Variants in FOXM1 observed in about 807,000 individuals in gnomAD.
FOXM1 encodes forkhead box M1.
In FOXM1, 25 loss-of-function variants were observed where a neutral mutation model predicts 63.6. The observed-to-expected ratio is 0.39, with a 90% CI of 0.29 to 0.55. The LOEUF (loss-of-function observed/expected upper bound fraction) is 0.55, where lower values mean the gene tolerates loss of function less well. Ranked by LOEUF, FOXM1 falls within the 20% of genes least tolerant of loss-of-function variation. The pLI is 0.60. For missense variants in FOXM1, 879 were observed against 958.7 expected (o/e 0.92, Z 1.10); for synonymous variants, 387 against 376.9 (o/e 1.03, Z -0.31).
At chr12:2,868,488 A>G (rs952166180) in intron 4 of FOXM1, 75 bp downstream of exon 4, 14 of 1,014,780 alleles carry the variant, frequency 1.4e-5, no homozygotes, top group Non-Finnish European at 1.9e-5. Context: ...TGTCCCAGAT[A>G]CAAGTTGCAG....
Position 2,858,444 on chromosome 12 carries a change from C to T in FOXM1, c.*194G>A. On this transcript the variant is annotated 3_prime_UTR_variant, in exon 9 of 9. Coordinates refer to ENST00000359843, the MANE Select transcript of FOXM1 (RefSeq NM_021953.4). ...CTCCTGGCAGGGACAGCAGAGGAAT[C>T]AGATACTCTTGGGGAACACAAGGTC... The T allele has an allele frequency of 3.6e-6, 2 of 561,986 alleles. No homozygotes were observed. The highest frequency in any genetic ancestry group is 5.1e-5 in the South Asian group (2 of 39,274). The allele number at this position is 561,986 out of a possible 1,614,324, so 34.8% of individuals were successfully genotyped here.
Position 2,858,468 on chromosome 12 carries a change from T to C in FOXM1, c.*170A>G, listed in dbSNP as rs2098096516. 3.3e-6 allele frequency: 2 copies of C among 601,956 alleles called. No homozygotes were observed. The highest frequency in any genetic ancestry group is 3.0e-5 in the Admixed American group (1 of 33,514). 37.3% of individuals were successfully genotyped at this position (601,956 alleles called of 1,614,324 possible). ...TCAGATACTCTTGGGGAACACAAGG[T>C]CCCAGCAGTGGCTAGGGTGTGACTG... On this transcript the variant is annotated 3_prime_UTR_variant, in exon 9 of 9. Coordinates refer to ENST00000359843, the MANE Select transcript of FOXM1 (RefSeq NM_021953.4).
chr12:2,862,981 T>G (rs991277563), intron 8 of FOXM1, among the ~76,000 whole-genome samples: 5 of 152,144 alleles, frequency 3.3e-5, no homozygotes, highest in Non-Finnish European at 7.3e-5. Flanking sequence ...CAGAACCCTT[T>G]AACAGTGTTA....
At chr12:2,876,302 C>G (rs1429769335) in intron 1 of FOXM1, 1 of 152,266 alleles carries the variant, frequency 6.6e-6, no homozygotes, top group African/African-American at 2.4e-5. Flanking sequence ...AGGCTTCCCT[C>G]TCTCCCCGCA....
intron 8 of FOXM1, among the ~76,000 whole-genome samples, chr12:2,861,983 AG>A (rs2098114376): frequency 6.6e-6 from 1 of 152,054 alleles, no homozygotes. Context: ...GCTCGAGACC[AG>A]CCTGACCAAC....
intron 3 of FOXM1, among the ~76,000 whole-genome samples, chr12:2,870,246 G>T (rs796996596): frequency 1.3e-5 from 2 of 152,166 alleles, no homozygotes; most frequent in Non-Finnish European, 2.9e-5. Flanking sequence ...AAAGTGCTGT[G>T]ATTACAAGCA....
Position 2,874,018 on chromosome 12 carries a change from C to G in FOXM1, c.461G>C (p.Arg154Thr). 1.2e-6 allele frequency: 2 copies of G among 1,614,082 alleles called. No individual in the cohort carries two copies. Among genetic ancestry groups the G allele is most frequent in the Non-Finnish European group, 1.7e-6 (2 of 1,179,996 alleles). Residue 154 changes from arginine (R) to threonine (T), a missense_variant, in exon 2 of 9, where the codon AGA (arginine) becomes ACA (threonine). By Grantham distance (71) the Arg-to-Thr change is moderately conservative (BLOSUM62 -1). Coordinates refer to ENST00000359843, the MANE Select transcript of FOXM1 (RefSeq NM_021953.4). This position sits in a 1 kb window ranked among gnomAD's most constrained non-coding sequence, Gnocchi z 4.3. ...CTGCTCGCAAAGGGCTCCAGGTGGT[C>G]TAGGAAGATTCACATCCCTAGCTGC... ...KPAARDVNLP[R>T]PPGALCEQKR...
rs2098098559 is a variant in FOXM1, at chr12:2,858,753, G to C, written c.2177C>G (p.Thr726Arg). 1 of 1,614,120 alleles carries C rather than the reference G, an allele frequency of 6.2e-7. No homozygotes were observed. The highest frequency in any genetic ancestry group is 8.5e-7 in the Non-Finnish European group (1 of 1,180,044). ...RSLTEGLVLD[T>R]MNDSLSKILL... ...GATCTTGCTGAGGCTGTCATTCATT[G>C]TGTCCAGGACCAGGCCTTCTGTCAG... is the stretch of plus-strand genomic sequence containing the variant. Residue 726 changes from threonine (T) to arginine (R), a missense_variant, in exon 9 of 9, where the codon ACA (threonine) becomes AGA (arginine). Around this residue, in one of 4 missense-constraint regions of FOXM1, gnomAD observed 486 missense variants for 453.5 expected, o/e 1.07. Transcript: ENST00000359843.
In FOXM1 at chr12:2,859,226, A is replaced by G. The variant is rs147746152; in HGVS notation, c.1704T>C (p.Thr568=). The G allele has an allele frequency of 3.8e-5, 61 of 1,613,116 alleles. No homozygotes were observed. The highest frequency in any genetic ancestry group is 5.1e-5 in the Non-Finnish European group (60 of 1,179,696). Residue 568 remains threonine, a synonymous_variant, in exon 9 of 9, where the codon ACT becomes ACC. Transcript: ENST00000359843. ...ACGGGAGCTCTGCGGCCCAGCGGGA[A>G]GTACTGGGCCCCTCTGAGAAGAGCA... The part of the protein sequence containing the change: ...PELLFSEGPS[T]SRWAAELPFP...
intron 3 of FOXM1, among the ~76,000 whole-genome samples, 155 bp downstream of exon 3, chr12:2,871,941 G>A (rs879213056): frequency 6.6e-6 from 1 of 152,160 alleles, no homozygotes; most frequent in Non-Finnish European, 1.5e-5. Context: ...ATCCCAGGCA[G>A]AAAAATAGCT....
chr12:2,861,446 A>G (rs962231595), intron 8 of FOXM1: 1 of 567,364 alleles, frequency 1.8e-6, no homozygotes, highest in Non-Finnish European at 3.1e-6. Context: ...ATAAATAAAT[A>G]AAACATTTTA....
Position 2,870,957 on chromosome 12 carries a change from CAAAAA to C in FOXM1, c.654+1134_654+1138del, listed in dbSNP as rs11310343. ...TAGGAGACAGAGAAAGACTACGTCT[CAAAAA>C]AAAAAAAAAAAAAAAAAAAAGCAGG... On this transcript the variant is annotated intron_variant, in intron 3 of 8. Transcript: ENST00000359843. 2.3e-4 allele frequency among the ~76,000 whole-genome samples: 9 copies of C among 39,126 alleles called. No homozygotes were observed. The East Asian group carries it at 2.9e-3, about 13-fold the overall frequency. 25.7% of individuals were successfully genotyped at this position (39,126 alleles called of 152,430 possible). A position where few individuals can be genotyped will look rare whatever the true frequency, so the allele number is the denominator to read the frequency against.
In FOXM1 at chr12:2,874,742, C is replaced by G. The variant is rs1270911592; in HGVS notation, c.-47-217G>C. ...CAGCAGACAGAAGCAATTCAAAGGG[C>G]AAAAATGGGACTGGGTTGGAGATAA... On this transcript the variant is annotated intron_variant, in intron 1 of 8. Transcript: ENST00000359843. This position sits in a 1 kb window ranked among gnomAD's most constrained non-coding sequence, Gnocchi z 4.3. Among the ~76,000 whole-genome samples the G allele has an allele frequency of 2.0e-5, 3 of 151,948 alleles. No homozygotes were observed. Among genetic ancestry groups the G allele is most frequent in the Non-Finnish European group, 4.4e-5 (3 of 67,990 alleles).
chr12:2,860,864 CAA>C (rs57306758), intron 8 of FOXM1, among the ~76,000 whole-genome samples: 3 of 110,404 alleles, frequency 2.7e-5, no homozygotes, highest in African/African-American at 3.3e-5. Context: ...GACTCCATCT[CAA>C]AAAAAAAAAA....
Position 2,858,030 on chromosome 12 carries a change from A to ACGGGGAGGTGG in FOXM1, c.*597_*607dup, listed in dbSNP as rs1491064186. Reference sequence around the variant, plus strand: ...CTTGCAGGAAAGCTGACTTGGAAACACGGGGAGGTGGCAGGGAGGGGCAAA... The same window carrying ACGGGGAGGTGG: ...CTTGCAGGAAAGCTGACTTGGAAACACGGGGAGGTGGCGGGGAGGTGGCAGGGAGGGGCAAA... On this transcript the variant is annotated 3_prime_UTR_variant, in exon 9 of 9. Coordinates refer to ENST00000359843, the MANE Select transcript of FOXM1 (RefSeq NM_021953.4). The ACGGGGAGGTGG allele has an allele frequency of 2.6e-5, 4 of 152,762 alleles. No individual in the cohort carries two copies. Among genetic ancestry groups the ACGGGGAGGTGG allele is most frequent in the African/African-American group, 9.6e-5 (4 of 41,458 alleles). 9.5% of individuals were successfully genotyped at this position (152,762 alleles called of 1,614,324 possible).
In FOXM1 at chr12:2,864,247, G is replaced by C. The variant is rs2153934812; in HGVS notation, c.1266+73C>G. The C allele has an allele frequency of 1.3e-5, 17 of 1,343,156 alleles. No homozygotes were observed. The highest frequency in any genetic ancestry group is 1.8e-5 in the Non-Finnish European group (17 of 966,596). The allele number at this position is 1,343,156 out of a possible 1,614,324, so 83.2% of individuals were successfully genotyped here. A position where few individuals can be genotyped will look rare whatever the true frequency, so the allele number is the denominator to read the frequency against. On this transcript the variant is annotated intron_variant, in intron 8 of 8. Coordinates refer to ENST00000359843, the MANE Select transcript of FOXM1 (RefSeq NM_021953.4). This position sits in a 1 kb window ranked among gnomAD's most constrained non-coding sequence, Gnocchi z 5.1. ...AAGCTCTCAAGGAACACTTATCAGA[G>C]TGCTTTGCAAGCTGAAGGTCCAACA...
rs772107957 is a variant in FOXM1, at chr12:2,874,421, C to G, written c.58G>C (p.Val20Leu). The change falls in exon 2 of 9, where the codon GTT becomes CTT. Residue 20 changes from valine to leucine, a missense_variant. Physicochemically the swap from Val to Leu is conservative, Grantham distance 32 (BLOSUM62 1). Around this residue, in one of 4 missense-constraint regions of FOXM1, gnomAD observed 255 missense variants for 292.4 expected, o/e 0.87. Transcript: ENST00000359843. The surrounding 1 kb of genome is among the most constrained non-coding windows in gnomAD (Gnocchi z 4.3). ...GATGTTTCACTTGGGGCATTTTGAA[C>G]AGGAAGGGGCAGCCTCCGTCTTTTG... is the stretch of plus-strand genomic sequence containing the variant. ...ILKRRRLPLP[V>L]QNAPSETSEE... 6 of 1,613,882 alleles carry G rather than the reference C, an allele frequency of 3.7e-6. No individual in the cohort carries two copies. The East Asian group carries it at 1.3e-4, about 36-fold the overall frequency.
Position 2,868,583 on chromosome 12 carries a change from T to C in FOXM1, c.826A>G (p.Ile276Val), listed in dbSNP as rs758778186. 15 of 1,611,630 alleles carry C rather than the reference T, an allele frequency of 9.3e-6. 1 individual carries two copies. The Admixed American group carries it at 1.7e-4, about 18-fold the overall frequency. ...ATTACCTTCCAGCCTGGCTTGGCAA[T>C]GTGCTTAAAGTAGGGAAAGTGGTCC... The part of the protein sequence containing the change: ...IEDHFPYFKH[I>V]AKPGWKNSIR... The change falls in exon 4 of 9, where the codon ATT becomes GTT. Residue 276 changes from isoleucine (I) to valine (V), a missense_variant. Ile to Val is a conservative substitution (Grantham distance 29, BLOSUM62 3). Coordinates refer to ENST00000359843, the MANE Select transcript of FOXM1 (RefSeq NM_021953.4).
intron 1 of FOXM1, chr12:2,876,612 T>G (rs2098144432): frequency 6.6e-6 from 1 of 152,268 alleles, no homozygotes; most frequent in Admixed American, 6.5e-5. Flanking sequence ...TAGTACAATC[T>G]CAGTCTTCAT....
Sources: gnomAD v4.1 joint callset for allele counts (sites outside exome capture counted in the v4.1 genomes callset) on GRCh38, gnomAD v4.1.1 for gene constraint, gnomAD v4.1.1 regional missense constraint, Gnocchi (gnomAD v3.1) non-coding constraint, MANE v1.5 for transcripts, NCBI Gene and HGNC (gene_info 2026-07-23, HGNC 2026-07-21) for gene names.